UBE3D: variants seen among roughly 807,000 people sequenced by gnomAD.
UBE3D encodes the protein E3 ubiquitin-protein ligase E3D.
In UBE3D, 48 loss-of-function variants were observed where a neutral mutation model predicts 49.6. That is an observed-to-expected ratio of 0.97 (90% CI 0.77 to 1.23). The LOEUF is 1.23. Among genes scored for constraint, UBE3D ranks in the 50% most tolerant of loss-of-function variants. The pLI is 0.00. For missense variants in UBE3D, 452 were observed against 468.4 expected, an observed-to-expected ratio of 0.96 and a Z score of 0.32; for synonymous variants, 189 against 174.2, an observed-to-expected ratio of 1.08 and a Z score of -0.67.
chr6:83,032,391 C>T (rs1437351644), intron 5 of UBE3D: 7 of 397,660 alleles, frequency 1.8e-5, no homozygotes, highest in Non-Finnish European at 3.0e-5. Flanking sequence ...TTGCATGGGG[C>T]CTTTAGCCCC....
At chr6:83,012,607 G>A (rs1488002553) in intron 8 of UBE3D, among the ~76,000 whole-genome samples, 1 of 152,188 alleles carries the variant, frequency 6.6e-6, no homozygotes, top group Admixed American at 6.5e-5. Flanking sequence ...TCGTTGGTAA[G>A]CTCTCACATG....
chr6:82,896,023 G>T (rs1304474039), intron 9 of UBE3D, among the ~76,000 whole-genome samples: 3 of 152,134 alleles, frequency 2.0e-5, no homozygotes, highest in African/African-American at 7.2e-5. Flanking sequence ...TTTTCATCTG[G>T]TTTTTATAGT....
intron 8 of UBE3D, among the ~76,000 whole-genome samples, chr6:82,958,514 A>G (rs1187510546): frequency 2.6e-5 from 4 of 152,210 alleles, no homozygotes; most frequent in African/African-American, 7.2e-5. Flanking sequence ...GACATAATGG[A>G]TTTTAAATAA....
At chr6:82,899,885 T>G (rs1453780335) in intron 9 of UBE3D, among the ~76,000 whole-genome samples, 1 of 152,094 alleles carries the variant, frequency 6.6e-6, no homozygotes, top group Non-Finnish European at 1.5e-5. Flanking sequence ...GGGCCAACAT[T>G]GATATAGCAG....
At chr6:83,002,554 G>A (rs143126329) in intron 8 of UBE3D, among the ~76,000 whole-genome samples, 6 of 152,242 alleles carry the variant, frequency 3.9e-5, no homozygotes, top group Admixed American at 6.5e-5. Context: ...GCGTGGTAGC[G>A]GGCACCTGTA....
At chr6:82,977,710 C>T (rs1347096043) in intron 8 of UBE3D, among the ~76,000 whole-genome samples, 2 of 151,886 alleles carry the variant, frequency 1.3e-5, no homozygotes, top group African/African-American at 2.4e-5. Context: ...TGGTGGTGGG[C>T]GCTTGTAATC....
intron 8 of UBE3D, among the ~76,000 whole-genome samples, chr6:83,007,717 G>T (rs961641508): frequency 6.6e-6 from 1 of 152,164 alleles, no homozygotes; most frequent in African/African-American, 2.4e-5. Context: ...TGTTGAGGTG[G>T]GTGAATCACT....
chr6:82,968,814 G>A (rs1777133946), intron 8 of UBE3D, among the ~76,000 whole-genome samples: 1 of 152,038 alleles, frequency 6.6e-6, no homozygotes, highest in Non-Finnish European at 1.5e-5. Flanking sequence ...TCATATATTT[G>A]TTGGCTGTTT....
chr6:82,969,187 T>G (rs1210694610), intron 8 of UBE3D, among the ~76,000 whole-genome samples: 1 of 117,330 alleles, frequency 8.5e-6, no homozygotes, highest in Non-Finnish European at 1.6e-5. Flanking sequence ...AAGATATTTA[T>G]GTAAAAAGCA....
At chr6:82,963,208 T>TTTTG (rs1424819813) in intron 8 of UBE3D, among the ~76,000 whole-genome samples, 1 of 150,904 alleles carries the variant, frequency 6.6e-6, no homozygotes, top group African/African-American at 2.4e-5. Flanking sequence ...TTTTTTTTTT[T>TTTTG]TGGAGAAAGA....
intron 5 of UBE3D, among the ~76,000 whole-genome samples, chr6:83,028,988 T>G (rs1781676149): frequency 6.6e-6 from 1 of 152,192 alleles, no homozygotes; most frequent in Non-Finnish European, 1.5e-5. Flanking sequence ...CTTAATTGTA[T>G]TAGGAAATCT....
chr6:82,971,850 G>A (rs190625736), intron 8 of UBE3D, among the ~76,000 whole-genome samples: 3 of 152,080 alleles, frequency 2.0e-5, no homozygotes, highest in South Asian at 2.1e-4. Flanking sequence ...TGATAAAATG[G>A]CATTATTTAT....
intron 3 of UBE3D, among the ~76,000 whole-genome samples, chr6:83,051,162 C>G (rs1783443424): frequency 6.6e-6 from 1 of 152,184 alleles, no homozygotes; most frequent in African/African-American, 2.4e-5. Context: ...ACTCTCTTGA[C>G]AAGTTTGGAA....
chr6:82,909,693 TACTC>T (rs1480384964), intron 9 of UBE3D, among the ~76,000 whole-genome samples: 3 of 152,204 alleles, frequency 2.0e-5, no homozygotes, highest in Admixed American at 6.5e-5. Context: ...CTTCATCACT[TACTC>T]ACTCTTAGAA....
At position 83,065,817 on chromosome 6, in the gene UBE3D, G is replaced by C. The variant is rs989627941; in HGVS notation, c.-99C>G. 1 of 1,263,232 alleles carries C rather than the reference G, an allele frequency of 7.9e-7. No homozygotes were observed. Among genetic ancestry groups the C allele is most frequent in the African/African-American group, 1.5e-5 (1 of 66,852 alleles). 78.3% of individuals were successfully genotyped at this position (1,263,232 alleles called of 1,614,324 possible). A position where few individuals can be genotyped will look rare whatever the true frequency, so the allele number is the denominator to read the frequency against. ...TCCACGTGCGGACCAACCAGCGGCA[G>C]CCCCGCTGCGGCGCAGGCGCCTGTG... On this transcript the variant is annotated 5_prime_UTR_variant, in exon 1 of 10. Transcript: ENST00000369747.
chr6:82,947,631 T>TAA (rs755042010), intron 9 of UBE3D, among the ~76,000 whole-genome samples: 5 of 152,012 alleles, frequency 3.3e-5, no homozygotes, highest in African/African-American at 4.8e-5. Flanking sequence ...AAATAAGTCT[T>TAA]AAAACACTCA....
chr6:82,928,730 C>T (rs566372286), intron 9 of UBE3D, among the ~76,000 whole-genome samples: 2 of 152,246 alleles, frequency 1.3e-5, no homozygotes, highest in South Asian at 2.1e-4. Context: ...ATGTATAAGG[C>T]AATTTCCATT....
At chr6:82,906,788 A>C (rs1455118142) in intron 9 of UBE3D, among the ~76,000 whole-genome samples, 4 of 152,184 alleles carry the variant, frequency 2.6e-5, no homozygotes, top group Non-Finnish European at 4.4e-5. Context: ...TTTGTATCCT[A>C]TTTAGAAACA....
chr6:82,965,601 AAAG>A (rs1406036233), intron 8 of UBE3D, among the ~76,000 whole-genome samples: 4 of 150,702 alleles, frequency 2.7e-5, no homozygotes, highest in East Asian at 1.9e-4. Flanking sequence ...AAAAAAAAAA[AAAG>A]AAGAAGAAGA....
Sources: gnomAD v4.1 joint callset for allele counts (sites outside exome capture counted in the v4.1 genomes callset) on GRCh38, gnomAD v4.1.1 for gene constraint, MANE v1.5 for transcripts, NCBI Gene and HGNC (gene_info 2026-07-23, HGNC 2026-07-21) for gene names.